VEPH1: variants seen among roughly 807,000 people sequenced by gnomAD.
VEPH1 encodes the protein ventricular zone-expressed PH domain-containing protein homolog 1.
A neutral mutation model predicts 85.2 loss-of-function variants in VEPH1; 80 were observed. That is an observed-to-expected ratio of 0.94 (90% CI 0.78 to 1.13). The LOEUF is 1.13. VEPH1 is among the 50% of genes most tolerant of loss of function. The probability of loss-of-function intolerance (pLI) is 0.00; values close to 1 mark genes in which losing one functional copy is unlikely to be tolerated. For missense variants in VEPH1, 955 were observed against 980.5 expected (o/e 0.97, Z 0.35); for synonymous variants, 297 against 348.0 (o/e 0.85, Z 1.63).
chr3:157,489,373 T>G (rs1331310439), intron 2 of VEPH1: 2 of 346,332 alleles, frequency 5.8e-6, no homozygotes, highest in Non-Finnish European at 1.2e-5. Flanking sequence ...CTGCCTGAAA[T>G]GATTTTCTCC....
At chr3:157,431,049 C>G (rs898333285) in intron 4 of VEPH1, among the ~76,000 whole-genome samples, 1 of 152,084 alleles carries the variant, frequency 6.6e-6, no homozygotes, top group African/African-American at 2.4e-5. Flanking sequence ...CCTCACGTGT[C>G]AAGGGAGGGA....
At chr3:157,501,319 C>A (rs1471497335) in intron 1 of VEPH1, among the ~76,000 whole-genome samples, 4 of 152,142 alleles carry the variant, frequency 2.6e-5, no homozygotes, top group Admixed American at 6.5e-5. Context: ...GATAGTTTTA[C>A]GGTGATCCTA....
intron 3 of VEPH1, among the ~76,000 whole-genome samples, chr3:157,461,104 A>G (rs1429333657): frequency 6.6e-6 from 1 of 152,212 alleles, no homozygotes; most frequent in Non-Finnish European, 1.5e-5. Flanking sequence ...TGAATGTAAG[A>G]TTAAAACCTA....
chr3:157,401,472 C>A (rs2108976355), intron 6 of VEPH1, among the ~76,000 whole-genome samples: 2 of 152,152 alleles, frequency 1.3e-5, no homozygotes, highest in East Asian at 3.9e-4. Context: ...TACTTATTTT[C>A]AAAACAAATA....
At chr3:157,343,027 A>G (rs902311273) in intron 9 of VEPH1, among the ~76,000 whole-genome samples, 1 of 152,242 alleles carries the variant, frequency 6.6e-6, no homozygotes, top group Non-Finnish European at 1.5e-5. Context: ...CATTTAAAGC[A>G]GTGTGCAGAG....
intron 12 of VEPH1, among the ~76,000 whole-genome samples, chr3:157,276,480 C>T (rs1210063273): frequency 6.6e-6 from 1 of 152,100 alleles, no homozygotes; most frequent in Non-Finnish European, 1.5e-5. Context: ...TTATGTTGCT[C>T]AAAAACTTCT....
intron 2 of VEPH1, among the ~76,000 whole-genome samples, chr3:157,492,195 G>A (rs1168003160): frequency 6.6e-6 from 1 of 152,184 alleles, no homozygotes; most frequent in East Asian, 1.9e-4. Context: ...GGGCTGGAAT[G>A]TGATTGTCAT....
chr3:157,468,513 T>G (rs1329444267), intron 3 of VEPH1, among the ~76,000 whole-genome samples: 1 of 152,046 alleles, frequency 6.6e-6, no homozygotes, highest in Non-Finnish European at 1.5e-5. Flanking sequence ...AGGCGGAGGT[T>G]GCAGTGAGCC....
intron 5 of VEPH1, 141 bp downstream of exon 5, chr3:157,428,181 A>C: frequency 2.5e-6 from 2 of 788,962 alleles, no homozygotes; most frequent in South Asian, 2.8e-5. Flanking sequence ...ATACAAACAG[A>C]GTAAGTAGAT....
At chr3:157,444,279 C>G (rs1734374344) in intron 4 of VEPH1, among the ~76,000 whole-genome samples, 1 of 152,128 alleles carries the variant, frequency 6.6e-6, no homozygotes, top group Non-Finnish European at 1.5e-5. Context: ...GAGAATAGGA[C>G]CAGGAGTAAT....
At chr3:157,267,108 T>A (rs909617831) in intron 12 of VEPH1, among the ~76,000 whole-genome samples, 1 of 148,472 alleles carries the variant, frequency 6.7e-6, no homozygotes, top group Non-Finnish European at 1.5e-5. Context: ...TTTTCTTTTT[T>A]TTTTTTTTTT....
intron 4 of VEPH1, chr3:157,442,384 T>C (rs370211025): frequency 1.2e-5 from 19 of 1,610,952 alleles, no homozygotes; most frequent in Non-Finnish European, 1.6e-5. Context: ...ACAGCTATTT[T>C]ATTCCCAATG....
Position 157,374,268 on chromosome 3 carries a change from G to T in VEPH1, c.1127+6888C>A, listed in dbSNP as rs575854012. Among the ~76,000 whole-genome samples the T allele has an allele frequency of 9.6e-3, 1,455 of 152,248 alleles. 21 individuals are homozygous for T. Among genetic ancestry groups the T allele is most frequent in the African/African-American group, 0.033 (1,362 of 41,532 alleles). On this transcript the variant is annotated intron_variant, in intron 7 of 13. Coordinates refer to ENST00000362010, the MANE Select transcript of VEPH1 (RefSeq NM_001167912.2). Reference sequence around the variant, plus strand: ...CAAGTGATCACCATAGACCTCTCTAGATTGAAAAGAGATACTCGTTTCCTA... The same window carrying T: ...CAAGTGATCACCATAGACCTCTCTATATTGAAAAGAGATACTCGTTTCCTA...
Position 157,363,476 on chromosome 3 carries a change from T to C in VEPH1, c.1623A>G (p.Ile541Met). Residue 541 changes from isoleucine to methionine, a missense_variant, in exon 9 of 14, where the codon ATA becomes ATG. Ile to Met is a conservative substitution (Grantham distance 10). Coordinates refer to ENST00000362010, the MANE Select transcript of VEPH1 (RefSeq NM_001167912.2). ...GCAAGTAGAGCTTATCTTGGTATTCTATAGGACTTGCAGTTGTCTCTGGAG... is the reference window on the plus strand; with the variant it reads ...GCAAGTAGAGCTTATCTTGGTATTCCATAGGACTTGCAGTTGTCTCTGGAG... The part of the protein sequence containing the change: ...EETPETTASP[I>M]EYQDKLYLHL... 1 of 1,614,154 alleles carries C rather than the reference T, an allele frequency of 6.2e-7. No homozygotes were observed. The highest frequency in any genetic ancestry group is 8.5e-7 in the Non-Finnish European group (1 of 1,179,998).
chr3:157,325,116 T>G (rs1721752381), intron 9 of VEPH1, among the ~76,000 whole-genome samples: 2 of 152,342 alleles, frequency 1.3e-5, no homozygotes, highest in South Asian at 4.1e-4. Context: ...TTCATGTTTG[T>G]TGGCTGCATG....
intron 2 of VEPH1, among the ~76,000 whole-genome samples, chr3:157,471,650 T>C (rs1430884961): frequency 6.6e-6 from 1 of 152,160 alleles, no homozygotes; most frequent in Non-Finnish European, 1.5e-5. Flanking sequence ...ATTGGCTGTT[T>C]GTATTTTCTC....
chr3:157,381,070 T>C lies in VEPH1; in HGVS notation c.1127+86A>G, dbSNP rs903168236. 6 of 1,376,974 alleles carry C rather than the reference T, an allele frequency of 4.4e-6. No individual in the cohort carries two copies. The African/African-American group carries it at 7.2e-5, about 16-fold the overall frequency. The allele number at this position is 1,376,974 out of a possible 1,614,324, so 85.3% of individuals were successfully genotyped here. ...GTTGAGATACAGGTTTTAGCTTCCT[T>C]TGGAAGTTAGAGAGGCTTAACTGTC... On this transcript the variant is annotated intron_variant, in intron 7 of 13. Coordinates refer to ENST00000362010, the MANE Select transcript of VEPH1 (RefSeq NM_001167912.2).
intron 11 of VEPH1, among the ~76,000 whole-genome samples, chr3:157,290,554 C>A (rs936323498): frequency 1.7e-4 from 26 of 152,154 alleles, no homozygotes; most frequent in African/African-American, 6.3e-4. Context: ...AGTGATGATT[C>A]TACTTAGAGG....
intron 6 of VEPH1, chr3:157,410,003 T>C: frequency 2.2e-6 from 2 of 907,718 alleles, no homozygotes; most frequent in Non-Finnish European, 2.6e-6. Flanking sequence ...CAGTCAGAGA[T>C]TGTACATTAC....
Sources: gnomAD v4.1 joint callset for allele counts (sites outside exome capture counted in the v4.1 genomes callset) on GRCh38, gnomAD v4.1.1 for gene constraint, MANE v1.5 for transcripts, NCBI Gene and HGNC (gene_info 2026-07-23, HGNC 2026-07-21) for gene names.